The following GANC variants were observed in gnomAD, a reference collection of about 807,000 sequenced individuals.
GANC encodes the protein glucosidase alpha, neutral C.
Under a neutral mutation model 124.2 loss-of-function variants are expected in GANC, and 117 were observed. The observed-to-expected ratio is 0.94, with a 90% CI of 0.81 to 1.10. GANC has a LOEUF of 1.10. Among genes scored for constraint, GANC ranks in the 50% least tolerant of loss-of-function variants. The pLI, the probability that GANC is intolerant of heterozygous loss-of-function variation, is 0.00. For missense variants in GANC, 1,140 were observed against 1,095.0 expected (o/e 1.04, Z -0.58); for synonymous variants, 377 against 376.8 (o/e 1.00, Z -0.01).
Position 42,273,402 on chromosome 15 carries a change from C to T in GANC, c.-1080C>T, listed in dbSNP as rs371967261. 175 of 1,613,844 alleles carry T rather than the reference C, an allele frequency of 1.1e-4. No homozygotes were observed. The highest frequency in any genetic ancestry group is 1.4e-4 in the Non-Finnish European group (163 of 1,180,034). On this transcript the variant is annotated 5_prime_UTR_variant, in exon 1 of 24. Coordinates refer to ENST00000318010, the MANE Select transcript of GANC (RefSeq NM_198141.3). Reference sequence around the variant, plus strand: ...GAAGCCACGCAGCCGCCGCCATCTTCACAGCCGTGGAGTGCCTACCGAAAG... The same window carrying T: ...GAAGCCACGCAGCCGCCGCCATCTTTACAGCCGTGGAGTGCCTACCGAAAG...
intron 7 of GANC, 35 bp from the exon 8 acceptor site, chr15:42,308,187 T>C (rs1230138197): frequency 7.2e-7 from 1 of 1,383,650 alleles, no homozygotes; most frequent in Admixed American, 1.8e-5. Flanking sequence ...GAGTGTTCTT[T>C]TCAGAAACAA....
At chr15:42,324,452 A>T (rs1270488294) in intron 11 of GANC, among the ~76,000 whole-genome samples, 1 of 152,156 alleles carries the variant, frequency 6.6e-6, no homozygotes, top group Non-Finnish European at 1.5e-5. Context: ...AAGGAACTGG[A>T]AGCAGGAACC....
chr15:42,303,582 C>T (rs955377582), intron 6 of GANC, among the ~76,000 whole-genome samples: 3 of 151,016 alleles, frequency 2.0e-5, no homozygotes, highest in Non-Finnish European at 4.4e-5. Context: ...AGAGTCAAGA[C>T]CCACCAGTGT....
intron 16 of GANC, among the ~76,000 whole-genome samples, chr15:42,339,275 A>G (rs2052309087): frequency 2.7e-5 from 4 of 147,144 alleles, no homozygotes; most frequent in Non-Finnish European, 4.5e-5. Context: ...GTTGCTTCCA[A>G]AGGAAATCAG....
chr15:42,323,530 T>TCTCA (rs1471346214), intron 11 of GANC, among the ~76,000 whole-genome samples: 2 of 151,276 alleles, frequency 1.3e-5, no homozygotes, highest in African/African-American at 4.9e-5. Context: ...GGGGACAGAG[T>TCTCA]CTCACTCTGT....
rs59950616 is a variant in GANC, at chr15:42,277,915, GA to G, written c.93-545del. The G allele has an allele frequency of 8.0e-3, 667 of 83,770 alleles. 1 individual carries two copies. The highest frequency in any genetic ancestry group is 0.025 in the African/African-American group (583 of 23,208). The allele number at this position is 83,770 out of a possible 1,614,324, so 5.2% of individuals were successfully genotyped here. On this transcript the variant is annotated intron_variant, in intron 2 of 23. Transcript: ENST00000318010. The stretch of plus-strand genomic sequence containing the variant: ...CCACGCCTGGCCATAATGTTCATTT[GA>G]AAAAAAAAAAAAAAAAAAAAACAGT...
Position 42,353,626 on chromosome 15 carries a change from G to T in GANC, c.*1487G>T, listed in dbSNP as rs1464409145. 2.0e-6 allele frequency: 2 copies of T among 985,530 alleles called. No individual in the cohort carries two copies. Among genetic ancestry groups the T allele is most frequent in the African/African-American group, 3.5e-5 (2 of 57,234 alleles). 61.0% of individuals were successfully genotyped at this position (985,530 alleles called of 1,614,324 possible). Reference sequence around the variant, plus strand: ...AGTAACTGTTAGCTGTGATTAGTTAGCTGGTGGATTTAATTGATTAAAAAA... The same window carrying T: ...AGTAACTGTTAGCTGTGATTAGTTATCTGGTGGATTTAATTGATTAAAAAA... On this transcript the variant is annotated 3_prime_UTR_variant, in exon 24 of 24. Coordinates refer to ENST00000318010, the MANE Select transcript of GANC (RefSeq NM_198141.3).
chr15:42,327,080 C>T lies in GANC; in HGVS notation c.1421-283C>T, dbSNP rs559029891. 1.4e-4 allele frequency among the ~76,000 whole-genome samples: 22 copies of T among 152,288 alleles called. No homozygotes were observed. The South Asian group carries it at 3.5e-3, about 24-fold the overall frequency. On this transcript the variant is annotated intron_variant, in intron 12 of 23. Coordinates refer to ENST00000318010, the MANE Select transcript of GANC (RefSeq NM_198141.3). ...GAGATCACTGCAGGATATTTGCCAT[C>T]CTTCCTTGGGCTATATTAGGCCATC...
At chr15:42,339,449 C>T (rs2052311963) in intron 16 of GANC, among the ~76,000 whole-genome samples, 1 of 151,898 alleles carries the variant, frequency 6.6e-6, no homozygotes, top group Admixed American at 6.6e-5. Context: ...AGCCTCTGAC[C>T]TTTCGACAAG....
intron 17 of GANC, 67 bp downstream of exon 17, chr15:42,339,979 A>C: frequency 6.6e-7 from 1 of 1,513,358 alleles, no homozygotes. Context: ...CAGTGATTAA[A>C]GAATGCAATA....
intron 22 of GANC, among the ~76,000 whole-genome samples, 174 bp downstream of exon 22, chr15:42,349,669 A>T (rs2052405472): frequency 6.6e-6 from 1 of 151,740 alleles, no homozygotes; most frequent in Non-Finnish European, 1.5e-5. Context: ...TTTGAGACAG[A>T]GTCTCACTCA....
At chr15:42,347,002 C>T (rs1217745090) in intron 20 of GANC, among the ~76,000 whole-genome samples, 1 of 152,110 alleles carries the variant, frequency 6.6e-6, no homozygotes, top group Admixed American at 6.6e-5. Context: ...TAACAATTAT[C>T]TACTCTAATC....
intron 11 of GANC, among the ~76,000 whole-genome samples, chr15:42,322,376 C>T (rs2052167221): frequency 6.6e-6 from 1 of 152,170 alleles, no homozygotes; most frequent in Non-Finnish European, 1.5e-5. Context: ...AAGTTTATTA[C>T]TCATATAATG....
intron 16 of GANC, among the ~76,000 whole-genome samples, chr15:42,339,403 T>C (rs1195785150): frequency 1.3e-5 from 2 of 151,208 alleles, no homozygotes; most frequent in Non-Finnish European, 2.9e-5. Context: ...GGTTATCTGG[T>C]TTGGGGAACA....
rs1262155321 is a variant in GANC at position 42,310,775 on chromosome 15, G to A, written c.986G>A (p.Gly329Asp). Residue 329 changes from glycine to aspartate, a missense_variant, in exon 10 of 24, where the codon GGC (glycine) becomes GAC (aspartate). Coordinates refer to ENST00000318010, the MANE Select transcript of GANC (RefSeq NM_198141.3). The stretch of plus-strand genomic sequence containing the variant: ...CATGTGCACTGGATGTCAGAGAGTG[G>A]CATCATTGATGTTTTTCTGCTGACA... ...RTHVHWMSESGIIDVFLLTGP... is the reference protein window; with the variant it reads ...RTHVHWMSESDIIDVFLLTGP... 2.2e-5 allele frequency: 35 copies of A among 1,614,132 alleles called. No individual in the cohort carries two copies. The highest frequency in any genetic ancestry group is 2.9e-5 in the Non-Finnish European group (34 of 1,179,986).
intron 5 of GANC, among the ~76,000 whole-genome samples, chr15:42,297,022 G>T (rs1030281762): frequency 6.6e-6 from 1 of 152,094 alleles, no homozygotes; most frequent in African/African-American, 2.4e-5. Context: ...TGTTAAGAAT[G>T]TGGGGAACTG....
intron 6 of GANC, 45 bp from the exon 7 acceptor site, chr15:42,306,501 G>A: frequency 6.9e-7 from 1 of 1,451,358 alleles, no homozygotes; most frequent in Non-Finnish European, 9.6e-7. Flanking sequence ...AAACACATTT[G>A]TTGCAATTTG....
At chr15:42,318,127 C>T (rs1271532207) in intron 10 of GANC, among the ~76,000 whole-genome samples, 7 of 152,238 alleles carry the variant, frequency 4.6e-5, no homozygotes, top group Non-Finnish European at 5.9e-5. Context: ...CTCCTCCCAT[C>T]TGGACCATTG....
rs768504769 is a variant in GANC, at chr15:42,351,310, C to T, written c.2532-19C>T. Reference sequence around the variant, plus strand: ...AACCCCCATCCCTCTCCTTTTAATACTGTTTGTATCTATTCCAGTTTTGCT... The same window carrying T: ...AACCCCCATCCCTCTCCTTTTAATATTGTTTGTATCTATTCCAGTTTTGCT... On this transcript the variant is annotated intron_variant, in intron 22 of 23. Coordinates refer to ENST00000318010, the MANE Select transcript of GANC (RefSeq NM_198141.3). 6.3e-7 allele frequency: 1 copy of T among 1,581,972 alleles called. No homozygotes were observed. The highest frequency in any genetic ancestry group is 8.7e-7 in the Non-Finnish European group (1 of 1,151,652).
Sources: gnomAD v4.1 joint callset for allele counts (sites outside exome capture counted in the v4.1 genomes callset) on GRCh38, gnomAD v4.1.1 for gene constraint, MANE v1.5 for transcripts, NCBI Gene and HGNC (gene_info 2026-07-23, HGNC 2026-07-21) for gene names.